Variants in MAN1C1 observed in about 807,000 individuals in gnomAD.
MAN1C1 encodes mannosyl-oligosaccharide 1,2-alpha-mannosidase IC.
A neutral mutation model predicts 71.5 loss-of-function variants in MAN1C1; 49 were observed. That is an observed-to-expected ratio of 0.69 (90% CI 0.54 to 0.87). The LOEUF (loss-of-function observed/expected upper bound fraction) is 0.87. Among genes scored for constraint, MAN1C1 ranks in the 40% least tolerant of loss-of-function variants. The probability of loss-of-function intolerance (pLI) is 0.00; values close to 1 mark genes in which losing one functional copy is unlikely to be tolerated. For missense variants in MAN1C1, 743 were observed against 835.0 expected, an observed-to-expected ratio of 0.89 and a Z score of 1.36; for synonymous variants, 352 against 343.7, an observed-to-expected ratio of 1.02 and a Z score of -0.27.
At chr1:25,783,312 C>G (rs948351623) in intron 11 of MAN1C1, among the ~76,000 whole-genome samples, 1 of 152,170 alleles carries the variant, frequency 6.6e-6, no homozygotes, top group African/African-American at 2.4e-5. Flanking sequence ...TAGTGGGCAG[C>G]AGCGGGGCAC....
intron 1 of MAN1C1, among the ~76,000 whole-genome samples, chr1:25,681,261 A>G (rs1319106884): frequency 6.6e-6 from 1 of 151,986 alleles, no homozygotes; most frequent in Admixed American, 6.6e-5. Context: ...GAAAAAGTAA[A>G]AAAGAAAGGT....
At chr1:25,640,520 T>G (rs180915985) in intron 1 of MAN1C1, among the ~76,000 whole-genome samples, 10 of 152,342 alleles carry the variant, frequency 6.6e-5, no homozygotes, top group Non-Finnish European at 1.0e-4. Context: ...GTCTTGTTTT[T>G]TAATTATAAG....
At chr1:25,626,097 T>C (rs1408857730) in intron 1 of MAN1C1, among the ~76,000 whole-genome samples, 1 of 152,222 alleles carries the variant, frequency 6.6e-6, no homozygotes, top group Non-Finnish European at 1.5e-5. Flanking sequence ...TCATTTCTTC[T>C]GTATAACTAG....
chr1:25,744,812 C>T lies in MAN1C1; in HGVS notation c.638-1856C>T, dbSNP rs151229688. On this transcript the variant is annotated intron_variant, in intron 2 of 11. Transcript: ENST00000374332. ...GGCTAACTCTGAATTCAGGAGGTGC[C>T]GCAAAGCCCACGCTGCAGACTCAAG... 2.2e-4 allele frequency among the ~76,000 whole-genome samples: 33 copies of T among 152,262 alleles called. No homozygotes were observed. The East Asian group carries it at 4.2e-3, about 20-fold the overall frequency.
intron 1 of MAN1C1, among the ~76,000 whole-genome samples, chr1:25,635,281 G>C (rs377349968): frequency 9.3e-4 from 141 of 151,602 alleles, no homozygotes; most frequent in Admixed American, 1.6e-3. Context: ...TTTTTGGGGG[G>C]GGTTAATTAT....
chr1:25,645,622 C>G (rs899661460), intron 1 of MAN1C1: 1 of 152,268 alleles, frequency 6.6e-6, no homozygotes, highest in African/African-American at 2.4e-5. Context: ...CCATGTTCCT[C>G]TCAGTTTCTG....
chr1:25,666,321 T>C (rs2045924072), intron 1 of MAN1C1, among the ~76,000 whole-genome samples: 2 of 152,228 alleles, frequency 1.3e-5, no homozygotes, highest in South Asian at 4.1e-4. Context: ...TTTCACTTAG[T>C]GACTTCACAT....
At position 25,776,412 on chromosome 1, in the gene MAN1C1, G is replaced by T. The variant is rs147342118; in HGVS notation, c.1258-1693G>T. On this transcript the variant is annotated intron_variant, in intron 8 of 11. Transcript: ENST00000374332. The surrounding 1 kb of genome is among the most constrained non-coding windows in gnomAD (Gnocchi z 4.3). ...CTAAAAATACAAAAATTAGCCGGGG[G>T]TGGTGGCACACGCCTATAATTACCC... Among the ~76,000 whole-genome samples the T allele has an allele frequency of 2.0e-5, 3 of 152,124 alleles. No individual in the cohort carries two copies. Among genetic ancestry groups the T allele is most frequent in the Non-Finnish European group, 4.4e-5 (3 of 68,030 alleles).
At chr1:25,660,340 G>T (rs971578492) in intron 1 of MAN1C1, among the ~76,000 whole-genome samples, 1 of 151,622 alleles carries the variant, frequency 6.6e-6, no homozygotes, top group South Asian at 2.1e-4. Flanking sequence ...GACAGAGGTT[G>T]CGGTGAGCTG....
chr1:25,781,286 G>A (rs569674503), intron 10 of MAN1C1, 174 bp downstream of exon 10: 8 of 673,288 alleles, frequency 1.2e-5, no homozygotes, highest in Non-Finnish European at 2.0e-5. Context: ...AGAGTCCCCA[G>A]CTGGGCAAAG....
At chr1:25,630,206 T>C (rs1049884940) in intron 1 of MAN1C1, among the ~76,000 whole-genome samples, 2 of 152,146 alleles carry the variant, frequency 1.3e-5, no homozygotes, top group Admixed American at 6.6e-5. Context: ...ATCCGTTGGT[T>C]GTAAATATTT....
intron 1 of MAN1C1, among the ~76,000 whole-genome samples, chr1:25,677,653 G>A (rs1291158678): frequency 6.6e-6 from 1 of 152,020 alleles, no homozygotes; most frequent in Admixed American, 6.6e-5. Flanking sequence ...TGTGCTATTA[G>A]TGTCTGTGTC....
chr1:25,781,371 C>T, intron 10 of MAN1C1: 1 of 409,386 alleles, frequency 2.4e-6, no homozygotes, highest in East Asian at 4.3e-5. Context: ...TGGGACCAGG[C>T]CTCAGCAAAC....
intron 1 of MAN1C1, among the ~76,000 whole-genome samples, chr1:25,662,468 T>C (rs2045862500): frequency 1.3e-5 from 2 of 152,220 alleles, no homozygotes; most frequent in African/African-American, 4.8e-5. Flanking sequence ...TTACAGCTTA[T>C]ACATGATTCT....
In MAN1C1 at chr1:25,763,959, G is replaced by A. The variant is rs1419176917; in HGVS notation, c.1133G>A (p.Trp378Ter). 1.9e-6 allele frequency: 3 copies of A among 1,613,650 alleles called. No individual in the cohort carries two copies. The highest frequency in any genetic ancestry group is 1.7e-6 in the Non-Finnish European group (2 of 1,179,796). The change falls in exon 7 of 12, where the codon TGG becomes TAG. Residue 378 changes from tryptophan to a stop codon, truncating the protein, a stop_gained. Transcript: ENST00000374332. LOFTEE classifies it high-confidence loss of function. ...TTCCTCAGCCCAGTGAGTGGGAACT[G>A]GGTGCAACGTGAGTACAGAGACGCC... ...PNFLSPVSGN[W>*]VQHHVSVGGL...
Position 25,754,421 on chromosome 1 carries a change from C to A in MAN1C1, c.929+843C>A, listed in dbSNP as rs578082808. 7.2e-5 allele frequency among the ~76,000 whole-genome samples: 11 copies of A among 152,324 alleles called. 1 individual carries two copies. The South Asian group carries it at 1.7e-3, about 23-fold the overall frequency. On this transcript the variant is annotated intron_variant, in intron 5 of 11. Coordinates refer to ENST00000374332, the MANE Select transcript of MAN1C1 (RefSeq NM_020379.4). ...TGGCCTCAAGGGCTTCACCACCTTT[C>A]TCTGGTCTTGCAAAAAGAGGGCTTG...
chr1:25,697,251 G>T (rs2046381946), intron 2 of MAN1C1, among the ~76,000 whole-genome samples: 1 of 152,046 alleles, frequency 6.6e-6, no homozygotes, highest in Non-Finnish European at 1.5e-5. Flanking sequence ...GTATAGATTT[G>T]CCTGTTCTGA....
At chr1:25,659,304 C>G (rs1572128289) in intron 1 of MAN1C1, among the ~76,000 whole-genome samples, 1 of 152,302 alleles carries the variant, frequency 6.6e-6, no homozygotes, top group Non-Finnish European at 1.5e-5. Context: ...CTGCCCCCGA[C>G]CCTTACGTCA....
Position 25,764,001 on chromosome 1 carries a change from C to T in MAN1C1, c.1141+34C>T, listed in dbSNP as rs762808560. ...AGAGACGCCACTGCCCCTTATTCAG[C>T]GGGTTCCTGCCCAGGCTTCCTAGGA... On this transcript the variant is annotated intron_variant, in intron 7 of 11. Transcript: ENST00000374332. This position sits in a 1 kb window ranked among gnomAD's most constrained non-coding sequence, Gnocchi z 4.4. 40 of 1,560,062 alleles carry T rather than the reference C, an allele frequency of 2.6e-5. No homozygotes were observed. The highest frequency in any genetic ancestry group is 8.1e-5 in the African/African-American group (6 of 73,790).
Sources: gnomAD v4.1 joint callset for allele counts (sites outside exome capture counted in the v4.1 genomes callset) on GRCh38, gnomAD v4.1.1 for gene constraint, Gnocchi (gnomAD v3.1) non-coding constraint, MANE v1.5 for transcripts, NCBI Gene and HGNC (gene_info 2026-07-23, HGNC 2026-07-21) for gene names.